The following EMX2 variants were observed in gnomAD, a reference collection of about 807,000 sequenced individuals.
The protein encoded by EMX2 is empty spiracles homeobox 2, also known as homeobox protein EMX2.
EMX2 carries 6 observed loss-of-function variants against 23.0 expected under a neutral mutation model. The ratio of observed to expected loss-of-function variants is 0.26; its 90% CI spans 0.14 to 0.52. EMX2 has a LOEUF of 0.52. Ranked by LOEUF, EMX2 falls within the 20% of genes least tolerant of loss-of-function variation. EMX2 has a pLI of 0.97. For missense variants in EMX2, 302 were observed against 341.4 expected (o/e 0.88, Z 0.91); for synonymous variants, 175 against 153.3 (o/e 1.14, Z -1.04).
chr10:117,543,492 C>T lies in EMX2; in HGVS notation c.225C>T (p.Val75=). ...SNPDLVFAEA[V]SHPPNPAVPV... ...CGGACTTGGTGTTCGCCGAGGCGGTCTCGCACCCGCCCAACCCCGCCGTGC... is the reference window on the plus strand; with the variant it reads ...CGGACTTGGTGTTCGCCGAGGCGGTTTCGCACCCGCCCAACCCCGCCGTGC... Residue 75 remains valine (V), a synonymous_variant, in exon 1 of 3, where the codon GTC becomes GTT. Coordinates refer to ENST00000553456, the MANE Select transcript of EMX2 (RefSeq NM_004098.4). The T allele has an allele frequency of 6.2e-7, 1 of 1,609,884 alleles. No individual in the cohort carries two copies. The highest frequency in any genetic ancestry group is 1.1e-5 in the South Asian group (1 of 90,916).
chr10:117,547,598 T>C (rs993613117), intron 2 of EMX2, among the ~76,000 whole-genome samples: 2 of 152,100 alleles, frequency 1.3e-5, no homozygotes, highest in African/African-American at 4.8e-5. Context: ...CAGCAGAAAA[T>C]AGAAAGCACA....
chr10:117,548,941 C>T lies in EMX2; in HGVS notation c.*709C>T. The T allele has an allele frequency of 3.3e-6, 1 of 307,072 alleles. No homozygotes were observed. Among genetic ancestry groups the T allele is most frequent in the Non-Finnish European group, 5.9e-6 (1 of 169,358 alleles). The allele number at this position is 307,072 out of a possible 1,614,324, so 19.0% of individuals were successfully genotyped here. A position where few individuals can be genotyped will look rare whatever the true frequency, so the allele number is the denominator to read the frequency against. The stretch of plus-strand genomic sequence containing the variant: ...TGTGCTTTTTATTTTGATTTTTTTT[C>T]CCAAGAAATGTGCAGTCTGTAAACA... On this transcript the variant is annotated 3_prime_UTR_variant, in exon 3 of 3. Coordinates refer to ENST00000553456, the MANE Select transcript of EMX2 (RefSeq NM_004098.4).
At chr10:117,547,603 AGCACATTGG>A (rs1019617511) in intron 2 of EMX2, among the ~76,000 whole-genome samples, 3 of 152,234 alleles carry the variant, frequency 2.0e-5, no homozygotes, top group African/African-American at 7.2e-5. Context: ...GAAAATAGAA[AGCACATTGG>A]GCCCTGAGGG....
At chr10:117,543,770 G>A (rs1487083143) in intron 1 of EMX2, 97 bp downstream of exon 1, 3 of 1,589,578 alleles carry the variant, frequency 1.9e-6, no homozygotes, top group South Asian at 1.1e-5. Flanking sequence ...GGCCTGGGCG[G>A]AGGTTCCTCC....
In EMX2 at chr10:117,543,643, C is replaced by A. The variant is rs1323107230; in HGVS notation, c.376C>A (p.Arg126Ser). ...CACCTTCTACCCCTGGCTCATCCAC[C>A]GCTACCGATATCTGGGTCATCGCTT... ...PSTFYPWLIHRYRYLGHRFQG... is the reference protein window; with the variant it reads ...PSTFYPWLIHSYRYLGHRFQG... The change falls in exon 1 of 3, where the codon CGC (arginine) becomes AGC (serine). Residue 126 changes from arginine to serine, a missense_variant. This residue lies in a region of EMX2 where 221 missense variants were observed against 206.8 expected (regional missense o/e 1.07). Transcript: ENST00000553456. 6.2e-7 allele frequency: 1 copy of A among 1,613,548 alleles called. No individual in the cohort carries two copies. Among genetic ancestry groups the A allele is most frequent in the Non-Finnish European group, 8.5e-7 (1 of 1,179,746 alleles).
rs777192509 is a variant in EMX2 at position 117,543,414 on chromosome 10, C to T, written c.147C>T (p.Asn49=). ...CCAGCCCCATAAATCCGTTCCTCAA[C>T]GGCTTCCACTCGGCCGCCGCCGCCG... ...ANSSPINPFL[N]GFHSAAAAAA... is the part of the protein sequence containing the mutation. Residue 49 remains asparagine, a synonymous_variant, in exon 1 of 3, where the codon AAC becomes AAT. Transcript: ENST00000553456. The T allele has an allele frequency of 6.3e-6, 10 of 1,593,824 alleles. No individual in the cohort carries two copies. The highest frequency in any genetic ancestry group is 4.6e-5 in the East Asian group (2 of 43,426).
chr10:117,545,593 C>T, intron 1 of EMX2, 39 bp from the exon 2 acceptor site: 1 of 1,612,020 alleles, frequency 6.2e-7, no homozygotes, highest in Non-Finnish European at 8.5e-7. Flanking sequence ...CCGGTCAGAG[C>T]AGCCCCCCCT....
chr10:117,545,407 C>T (rs1290827166), intron 1 of EMX2, among the ~76,000 whole-genome samples: 1 of 152,292 alleles, frequency 6.6e-6, no homozygotes, highest in African/African-American at 2.4e-5. Context: ...TCTGCGACAG[C>T]GGCTGGTTGG....
intron 2 of EMX2, among the ~76,000 whole-genome samples, chr10:117,547,170 GA>G (rs1045379383): frequency 3.9e-5 from 6 of 152,190 alleles, no homozygotes; most frequent in Admixed American, 3.3e-4. Flanking sequence ...CATTGCTCCT[GA>G]GACCTCTCAC....
Position 117,548,854 on chromosome 10 carries a change from G to A in EMX2, c.*622G>A, listed in dbSNP as rs912507573. On this transcript the variant is annotated 3_prime_UTR_variant, in exon 3 of 3. Transcript: ENST00000553456. ...GAAATGCATGTAGCAGTTGTTGGGC[G>A]AATGGTGTTTAAAGACCGAAAATGA... 5.0e-5 allele frequency: 20 copies of A among 397,332 alleles called. No homozygotes were observed. Among genetic ancestry groups the A allele is most frequent in the Middle Eastern group, 1.3e-3 (2 of 1,596 alleles). 24.6% of individuals were successfully genotyped at this position (397,332 alleles called of 1,614,324 possible).
chr10:117,547,227 G>C (rs1335271236), intron 2 of EMX2, among the ~76,000 whole-genome samples: 2 of 152,162 alleles, frequency 1.3e-5, no homozygotes, highest in Non-Finnish European at 2.9e-5. Context: ...CTGGTGGGAA[G>C]TGATGGGACT....
In EMX2 at chr10:117,548,508, GAGA is replaced by G. The variant is rs1846612423; in HGVS notation, c.*279_*281del. On this transcript the variant is annotated 3_prime_UTR_variant, in exon 3 of 3. Coordinates refer to ENST00000553456, the MANE Select transcript of EMX2 (RefSeq NM_004098.4). ...GAGGCAGCTGAGTGAGAGACACAGA[GAGA>G]AGGAGAAAGAGGGAGGGAGAGAGAG... 5.1e-6 allele frequency: 3 copies of G among 586,732 alleles called. No homozygotes were observed. The highest frequency in any genetic ancestry group is 3.8e-5 in the African/African-American group (2 of 52,044). 36.3% of individuals were successfully genotyped at this position (586,732 alleles called of 1,614,324 possible).
rs1304379870 is a variant in EMX2 at position 117,543,458 on chromosome 10, A to G, written c.191A>G (p.Tyr64Cys). ...GCCGCCGCCGCCGGTAGGGGCGTCTACTCCAACCCGGACTTGGTGTTCGCC... is the reference window on the plus strand; with the variant it reads ...GCCGCCGCCGCCGGTAGGGGCGTCTGCTCCAACCCGGACTTGGTGTTCGCC... ...AAAAAAGRGV[Y>C]SNPDLVFAEA... Residue 64 changes from tyrosine to cysteine, a missense_variant, in exon 1 of 3, where the codon TAC becomes TGC. Coordinates refer to ENST00000553456, the MANE Select transcript of EMX2 (RefSeq NM_004098.4). 6.2e-7 allele frequency: 1 copy of G among 1,605,332 alleles called. No homozygotes were observed. Among genetic ancestry groups the G allele is most frequent in the Non-Finnish European group, 8.5e-7 (1 of 1,177,212 alleles).
rs769239455 is a variant in EMX2, at chr10:117,543,688, G to C, written c.406+15G>C. 2 of 1,613,168 alleles carry C rather than the reference G, an allele frequency of 1.2e-6. No homozygotes were observed. Among genetic ancestry groups the C allele is most frequent in the East Asian group, 4.5e-5 (2 of 44,844 alleles). ...TCGCTTCCAAGGTACGTGCCACGTC[G>C]CGGAACTGCAGCGCGCCGCTCCCGC... On this transcript the variant is annotated intron_variant, in intron 1 of 2. Coordinates refer to ENST00000553456, the MANE Select transcript of EMX2 (RefSeq NM_004098.4).
rs1040675762 is a variant in EMX2 at position 117,543,472 on chromosome 10, T to A, written c.205T>A (p.Leu69Met). The A allele has an allele frequency of 6.2e-7, 1 of 1,609,628 alleles. No homozygotes were observed. Among genetic ancestry groups the A allele is most frequent in the African/African-American group, 1.3e-5 (1 of 74,622 alleles). The change falls in exon 1 of 3, where the codon TTG (leucine) becomes ATG (methionine). Residue 69 changes from leucine to methionine, a missense_variant. Leu to Met is a conservative substitution (Grantham distance 15, BLOSUM62 2). Around this residue, in one of 4 missense-constraint regions of EMX2, gnomAD observed 221 missense variants for 206.8 expected, o/e 1.07. Coordinates refer to ENST00000553456, the MANE Select transcript of EMX2 (RefSeq NM_004098.4). ...AGRGVYSNPDLVFAEAVSHPP... is the reference protein window; with the variant it reads ...AGRGVYSNPDMVFAEAVSHPP... ...TAGGGGCGTCTACTCCAACCCGGACTTGGTGTTCGCCGAGGCGGTCTCGCA... is the reference window on the plus strand; with the variant it reads ...TAGGGGCGTCTACTCCAACCCGGACATGGTGTTCGCCGAGGCGGTCTCGCA...
intron 2 of EMX2, among the ~76,000 whole-genome samples, chr10:117,546,463 C>T (rs982125558): frequency 3.3e-5 from 5 of 152,242 alleles, no homozygotes; most frequent in African/African-American, 4.8e-5. Flanking sequence ...ACACTAGGCG[C>T]TACTGTACAC....
At position 117,548,431 on chromosome 10, in the gene EMX2, CA is replaced by C. The variant is rs1441181582; in HGVS notation, c.*201del. The stretch of plus-strand genomic sequence containing the variant: ...ACAGGGTCCCAAACCGAGGCCGCGC[CA>C]AGATGGCAGAGGATGGAGGCTCCTT... On this transcript the variant is annotated 3_prime_UTR_variant, in exon 3 of 3. Coordinates refer to ENST00000553456, the MANE Select transcript of EMX2 (RefSeq NM_004098.4). The C allele has an allele frequency of 8.9e-6, 7 of 785,818 alleles. No homozygotes were observed. The East Asian group carries it at 1.9e-4, about 21-fold the overall frequency. 48.7% of individuals were successfully genotyped at this position (785,818 alleles called of 1,614,324 possible).
In EMX2 at chr10:117,545,739, G is replaced by T; in HGVS notation, c.514G>T (p.Ala172Ser). 6.2e-7 allele frequency: 1 copy of T among 1,614,080 alleles called. No homozygotes were observed. The highest frequency in any genetic ancestry group is 1.1e-5 in the South Asian group (1 of 91,090). Reference protein sequence around the residue: ...SPSQLLRLEHAFEKNHYVVGA... With the variant: ...SPSQLLRLEHSFEKNHYVVGA... ...GTCCCAGCTTCTAAGGCTGGAACAC[G>T]CCTTTGAGAAGAATCACTACGTGGT... Residue 172 changes from alanine (A) to serine (S), a missense_variant, in exon 2 of 3, where the codon GCC (alanine) becomes TCC (serine). Around this residue, in one of 4 missense-constraint regions of EMX2, gnomAD observed 37 missense variants for 69.1 expected, o/e 0.54. Coordinates refer to ENST00000553456, the MANE Select transcript of EMX2 (RefSeq NM_004098.4).
intron 1 of EMX2, among the ~76,000 whole-genome samples, 159 bp downstream of exon 1, chr10:117,543,832 C>A (rs1047735740): frequency 6.6e-6 from 1 of 152,308 alleles, no homozygotes; most frequent in East Asian, 1.9e-4. Flanking sequence ...CGGGGCCGGG[C>A]GTGGTGTCGA....
Sources: gnomAD v4.1 joint callset for allele counts (sites outside exome capture counted in the v4.1 genomes callset) on GRCh38, gnomAD v4.1.1 for gene constraint, gnomAD v4.1.1 regional missense constraint, MANE v1.5 for transcripts, NCBI Gene and HGNC (gene_info 2026-07-23, HGNC 2026-07-21) for gene names.